NSMCE2: variants seen among roughly 807,000 people sequenced by gnomAD.
NSMCE2 encodes E3 SUMO-protein ligase NSE2.
In NSMCE2, 24 loss-of-function variants were observed where a neutral mutation model predicts 23.8. The observed-to-expected ratio is 1.01, with a 90% CI of 0.73 to 1.42. The LOEUF (loss-of-function observed/expected upper bound fraction) is 1.42. Among genes scored for constraint, NSMCE2 ranks in the 40% most tolerant of loss-of-function variants. The pLI is 0.00. For missense variants in NSMCE2, 284 were observed against 296.5 expected (o/e 0.96, Z 0.31); for synonymous variants, 92 against 94.1 (o/e 0.98, Z 0.13).
At chr8:125,115,129 CCAGT>C (rs572276988) in intron 3 of NSMCE2, among the ~76,000 whole-genome samples, 14 of 152,132 alleles carry the variant, frequency 9.2e-5, no homozygotes, top group Non-Finnish European at 2.1e-4. Context: ...TTTGAGTGAA[CCAGT>C]CAGTCAACCA....
At chr8:125,285,308 C>T (rs1827849595) in intron 5 of NSMCE2, among the ~76,000 whole-genome samples, 1 of 152,130 alleles carries the variant, frequency 6.6e-6, no homozygotes, top group African/African-American at 2.4e-5. Context: ...TGACTTTTTA[C>T]AAGAAGTTTT....
chr8:125,253,941 A>G (rs1239168192), intron 5 of NSMCE2, among the ~76,000 whole-genome samples: 1 of 152,196 alleles, frequency 6.6e-6, no homozygotes, highest in African/African-American at 2.4e-5. Flanking sequence ...CATAGTCATC[A>G]TGACTTCTCC....
At chr8:125,340,831 C>T (rs538286814) in intron 5 of NSMCE2, among the ~76,000 whole-genome samples, 1 of 152,204 alleles carries the variant, frequency 6.6e-6, no homozygotes, top group Non-Finnish European at 1.5e-5. Flanking sequence ...GTCTTTCCAA[C>T]AATTAAAATT....
intron 5 of NSMCE2, among the ~76,000 whole-genome samples, chr8:125,320,243 GGGAGGGAGGGAA>G (rs1239148675): frequency 1.2e-4 from 7 of 57,138 alleles, no homozygotes; most frequent in South Asian, 7.9e-4. Flanking sequence ...AAGGGAGGGA[GGGAGGGAGGGAA>G]GGAAGGAAGG....
At chr8:125,095,561 C>G (rs901205135) in intron 1 of NSMCE2, among the ~76,000 whole-genome samples, 3 of 152,076 alleles carry the variant, frequency 2.0e-5, no homozygotes, top group Admixed American at 1.3e-4. Context: ...TCACTGCACT[C>G]CAGCCTGGGT....
chr8:125,169,473 C>G (rs527915502), intron 4 of NSMCE2, among the ~76,000 whole-genome samples: 1 of 152,330 alleles, frequency 6.6e-6, no homozygotes, highest in South Asian at 2.1e-4. Context: ...TCCTGGGATT[C>G]TGTAACTTCG....
chr8:125,177,913 C>T (rs531746064), intron 4 of NSMCE2, among the ~76,000 whole-genome samples: 14 of 152,172 alleles, frequency 9.2e-5, no homozygotes, highest in Non-Finnish European at 2.1e-4. Flanking sequence ...CTTACAGTTT[C>T]AGTGATTTGT....
Position 125,364,969 on chromosome 8 carries a change from G to A in NSMCE2, c.627-1799G>A, listed in dbSNP as rs554203688. On this transcript the variant is annotated intron_variant, in intron 7 of 7. Coordinates refer to ENST00000287437, the MANE Select transcript of NSMCE2 (RefSeq NM_173685.4). ...AATCTACCAAAATTTGGTTCACTTT[G>A]AGAACCAGATTCTTTGAGAAGAAAT... Among the ~76,000 whole-genome samples, 14 of 152,254 alleles carry A rather than the reference G, an allele frequency of 9.2e-5. No individual in the cohort carries two copies. In the East Asian group the frequency reaches 2.5e-3, roughly 27 times the overall value.
chr8:125,092,208 C>T (rs1817694606), intron 1 of NSMCE2, among the ~76,000 whole-genome samples: 1 of 152,194 alleles, frequency 6.6e-6, no homozygotes, highest in African/African-American at 2.4e-5. Flanking sequence ...TTTGAACTGA[C>T]TTTAAAAGTA....
At chr8:125,098,936 A>T (rs1818060960) in intron 1 of NSMCE2, among the ~76,000 whole-genome samples, 1 of 151,946 alleles carries the variant, frequency 6.6e-6, no homozygotes, top group Non-Finnish European at 1.5e-5. Context: ...GAAAAGAGAG[A>T]TCAGAGCACT....
chr8:125,168,922 T>C (rs1822033117), intron 4 of NSMCE2, among the ~76,000 whole-genome samples: 2 of 152,228 alleles, frequency 1.3e-5, no homozygotes, highest in South Asian at 4.1e-4. Flanking sequence ...CACATTACCA[T>C]GTATTCTCAA....
At chr8:125,224,854 C>A (rs1261626913) in intron 5 of NSMCE2, among the ~76,000 whole-genome samples, 1 of 152,170 alleles carries the variant, frequency 6.6e-6, no homozygotes, top group East Asian at 1.9e-4. Context: ...AATCAAGCTG[C>A]AGAGTCCATG....
chr8:125,103,932 G>A (rs1030730189), intron 3 of NSMCE2, among the ~76,000 whole-genome samples: 2 of 148,076 alleles, frequency 1.4e-5, no homozygotes, highest in Admixed American at 1.3e-4. Flanking sequence ...TAATATCCTT[G>A]TATGTTAATT....
chr8:125,214,725 T>TTG lies in NSMCE2; in HGVS notation c.418+32470_418+32471dup, dbSNP rs1824501090. 2.0e-5 allele frequency among the ~76,000 whole-genome samples: 3 copies of TTG among 152,292 alleles called. No homozygotes were observed. The East Asian group carries it at 5.8e-4, about 29-fold the overall frequency. On this transcript the variant is annotated intron_variant, in intron 5 of 7. Transcript: ENST00000287437. ...CATTTGAATGATATATTTGTTGCAATTGATGAACCAATATTGATACACTAT... is the reference window on the plus strand; with the variant it reads ...CATTTGAATGATATATTTGTTGCAATTGTGATGAACCAATATTGATACACTAT...
At chr8:125,235,442 C>T (rs530245590) in intron 5 of NSMCE2, among the ~76,000 whole-genome samples, 12 of 152,160 alleles carry the variant, frequency 7.9e-5, no homozygotes, top group African/African-American at 1.4e-4. Context: ...AAAGATAACT[C>T]CTCTGACCCC....
chr8:125,168,420 T>C (rs147663277), intron 4 of NSMCE2, among the ~76,000 whole-genome samples: 12 of 152,270 alleles, frequency 7.9e-5, no homozygotes, highest in Non-Finnish European at 1.8e-4. Context: ...TTTGTCTTGG[T>C]TCATTTGGCC....
intron 5 of NSMCE2, among the ~76,000 whole-genome samples, chr8:125,340,742 C>G (rs1342917126): frequency 6.6e-6 from 1 of 152,196 alleles, no homozygotes; most frequent in Admixed American, 6.5e-5. Context: ...ATTGCTAGCT[C>G]ATTTTGAACC....
chr8:125,286,405 T>G (rs1338324860), intron 5 of NSMCE2, among the ~76,000 whole-genome samples: 1 of 151,388 alleles, frequency 6.6e-6, no homozygotes. Context: ...CTCCGCCTCC[T>G]GGGTTCAAGT....
chr8:125,320,900 C>T (rs923051412), intron 5 of NSMCE2, among the ~76,000 whole-genome samples: 1 of 152,160 alleles, frequency 6.6e-6, no homozygotes, highest in Non-Finnish European at 1.5e-5. Context: ...GGCAACTGCT[C>T]AGCTTCTGCG....
Sources: allele counts gnomAD v4.1 joint callset (sites outside exome capture counted in the v4.1 genomes callset), GRCh38; gene constraint gnomAD v4.1.1; transcripts MANE v1.5; gene names NCBI Gene and HGNC (gene_info 2026-07-23, HGNC 2026-07-21).